The following HS6ST3 variants were observed in gnomAD, a reference collection of about 807,000 sequenced individuals.
HS6ST3 encodes heparan-sulfate 6-O-sulfotransferase 3.
In HS6ST3, 12 loss-of-function variants were observed where a neutral mutation model predicts 36.7. The observed-to-expected ratio is 0.33, with a 90% CI of 0.21 to 0.53. The LOEUF is 0.53. HS6ST3 is among the 20% of genes least tolerant of loss of function. The pLI, the probability that HS6ST3 is intolerant of heterozygous loss-of-function variation, is 0.95. For synonymous variants in HS6ST3, 240 were observed against 257.5 expected, an observed-to-expected ratio of 0.93 and a Z score of 0.65; for missense variants, 584 against 640.9, an observed-to-expected ratio of 0.91 and a Z score of 0.96.
chr13:96,584,823 G>T (rs1360936710), intron 1 of HS6ST3, among the ~76,000 whole-genome samples: 1 of 152,162 alleles, frequency 6.6e-6, no homozygotes, highest in Non-Finnish European at 1.5e-5. Context: ...ATACAACAAA[G>T]AATTTTTCTG....
chr13:96,816,735 A>C (rs1238690519), intron 1 of HS6ST3, among the ~76,000 whole-genome samples: 1 of 152,160 alleles, frequency 6.6e-6, no homozygotes, highest in Non-Finnish European at 1.5e-5. Flanking sequence ...TGATTTTCTC[A>C]TTAGATTAGA....
intron 1 of HS6ST3, among the ~76,000 whole-genome samples, chr13:96,637,010 T>TA (rs923696959): frequency 3.3e-5 from 5 of 151,032 alleles, no homozygotes; most frequent in East Asian, 1.9e-4. Flanking sequence ...AATTTAAATT[T>TA]AAAAAAAAAG....
At chr13:96,429,297 C>T (rs2055603183) in intron 1 of HS6ST3, among the ~76,000 whole-genome samples, 1 of 152,106 alleles carries the variant, frequency 6.6e-6, no homozygotes. Flanking sequence ...CGAAAGGTTA[C>T]CTATAGAAGC....
At position 96,090,167 on chromosome 13, in the gene HS6ST3, C is replaced by T. The variant is rs951537597; in HGVS notation, c.-696C>T. Among the ~76,000 whole-genome samples, 1 of 152,016 alleles carries T rather than the reference C, an allele frequency of 6.6e-6. No homozygotes were observed. Among genetic ancestry groups the T allele is most frequent in the African/African-American group, 2.4e-5 (1 of 41,434 alleles). ...GTGTGCGAGTGTGTCTGCGTGCCTG[C>T]GCCTGGGCGGACAGCCCGGAGCGGC... On this transcript the variant is annotated 5_prime_UTR_variant, in exon 1 of 2. Coordinates refer to ENST00000376705, the MANE Select transcript of HS6ST3 (RefSeq NM_153456.4).
chr13:96,142,033 CA>C lies in HS6ST3; in HGVS notation c.707+50486del, dbSNP rs3084964. 4.8e-3 allele frequency among the ~76,000 whole-genome samples: 482 copies of C among 101,082 alleles called. 2 individuals carry two copies. Among genetic ancestry groups the C allele is most frequent in the African/African-American group, 0.014 (365 of 25,422 alleles). 66.3% of individuals were successfully genotyped at this position (101,082 alleles called of 152,430 possible). A position where few individuals can be genotyped will look rare whatever the true frequency, so the allele number is the denominator to read the frequency against. ...ATCATGAAAGTGATTGTGGTCATGG[CA>C]AAAAAAAAAAAAAAAAAAAAAGCTG... On this transcript the variant is annotated intron_variant, in intron 1 of 1. Coordinates refer to ENST00000376705, the MANE Select transcript of HS6ST3 (RefSeq NM_153456.4).
chr13:96,224,751 G>C, intron 1 of HS6ST3, among the ~76,000 whole-genome samples: 1 of 152,316 alleles, frequency 6.6e-6, no homozygotes, highest in Middle Eastern at 3.4e-3. Flanking sequence ...CTTGGTCATC[G>C]AAGGTTACAG....
intron 1 of HS6ST3, among the ~76,000 whole-genome samples, chr13:96,461,395 T>A (rs371249933): frequency 4.0e-4 from 61 of 152,276 alleles, no homozygotes; most frequent in Middle Eastern, 3.4e-3. Flanking sequence ...TTTAATAATA[T>A]TACCTGAGCC....
intron 1 of HS6ST3, among the ~76,000 whole-genome samples, chr13:96,094,024 C>T (rs965842882): frequency 2.0e-5 from 3 of 152,126 alleles, no homozygotes; most frequent in Non-Finnish European, 2.9e-5. Context: ...CCCCCCAAAG[C>T]GCCTCCTCCC....
At chr13:96,626,309 G>A (rs2056512196) in intron 1 of HS6ST3, among the ~76,000 whole-genome samples, 1 of 151,900 alleles carries the variant, frequency 6.6e-6, no homozygotes, top group African/African-American at 2.4e-5. Flanking sequence ...TATATGACAA[G>A]GTATGCAATC....
At chr13:96,618,378 G>A (rs996401762) in intron 1 of HS6ST3, among the ~76,000 whole-genome samples, 31 of 152,136 alleles carry the variant, frequency 2.0e-4, no homozygotes, top group African/African-American at 6.3e-4. Flanking sequence ...AGAGATTACA[G>A]GCATGAACCA....
intron 1 of HS6ST3, among the ~76,000 whole-genome samples, chr13:96,438,762 T>C (rs1182780386): frequency 6.6e-6 from 1 of 152,200 alleles, no homozygotes; most frequent in African/African-American, 2.4e-5. Flanking sequence ...AGATCTTTTC[T>C]GATTTAAAAT....
intron 1 of HS6ST3, among the ~76,000 whole-genome samples, chr13:96,218,534 G>A (rs529974489): frequency 1.7e-4 from 26 of 152,292 alleles, no homozygotes; most frequent in African/African-American, 6.0e-4. Context: ...GTTACCAAGA[G>A]TCAGGACCCT....
At chr13:96,224,971 C>T (rs9525157) in intron 1 of HS6ST3, among the ~76,000 whole-genome samples, 1 of 152,124 alleles carries the variant, frequency 6.6e-6, no homozygotes, top group African/African-American at 2.4e-5. Context: ...TTTAATTTTT[C>T]CAAAGGGTAA....
chr13:96,460,397 T>C (rs577007848), intron 1 of HS6ST3, among the ~76,000 whole-genome samples: 140 of 152,342 alleles, frequency 9.2e-4, no homozygotes, highest in Non-Finnish European at 2.2e-4. Flanking sequence ...TCTTTTAGTT[T>C]GGTAACTAAA....
At chr13:96,140,391 G>T (rs1330243631) in intron 1 of HS6ST3, among the ~76,000 whole-genome samples, 3 of 152,028 alleles carry the variant, frequency 2.0e-5, no homozygotes, top group Admixed American at 2.0e-4. Flanking sequence ...CATCTCTCTG[G>T]TAAATTGCTT....
intron 1 of HS6ST3, among the ~76,000 whole-genome samples, chr13:96,797,080 A>G (rs143196056): frequency 6.6e-6 from 1 of 152,216 alleles, no homozygotes; most frequent in East Asian, 1.9e-4. Context: ...CTCCAAGGGA[A>G]GACACTCAGA....
At chr13:96,540,152 G>A (rs1419150192) in intron 1 of HS6ST3, among the ~76,000 whole-genome samples, 1 of 152,214 alleles carries the variant, frequency 6.6e-6, no homozygotes, top group Non-Finnish European at 1.5e-5. Context: ...TTTCCTGGAG[G>A]TTGGGTCTTG....
intron 1 of HS6ST3, among the ~76,000 whole-genome samples, chr13:96,600,081 C>T (rs932404838): frequency 1.3e-4 from 20 of 151,892 alleles, no homozygotes; most frequent in Non-Finnish European, 2.1e-4. Context: ...ATGCACCATG[C>T]GCTGATGAGA....
chr13:96,146,153 A>G (rs533268222), intron 1 of HS6ST3, among the ~76,000 whole-genome samples: 6 of 152,256 alleles, frequency 3.9e-5, no homozygotes, highest in African/African-American at 9.6e-5. Context: ...TTTTGGTTCC[A>G]TATGAACTTT....
Sources: allele counts gnomAD v4.1 joint callset (sites outside exome capture counted in the v4.1 genomes callset), GRCh38; gene constraint gnomAD v4.1.1; transcripts MANE v1.5; gene names NCBI Gene and HGNC (gene_info 2026-07-23, HGNC 2026-07-21).